MAGI2: variants seen among roughly 807,000 people sequenced by gnomAD.
MAGI2 encodes membrane associated guanylate kinase, WW and PDZ domain containing 2.
MAGI2 carries 35 observed loss-of-function variants against 133.3 expected under a neutral mutation model. That is an observed-to-expected ratio of 0.26 (90% CI 0.20 to 0.35). The LOEUF (loss-of-function observed/expected upper bound fraction) is 0.35. Ranked by LOEUF, MAGI2 falls within the 10% of genes least tolerant of loss-of-function variation. MAGI2 has a pLI of 1.00. For missense variants in MAGI2, 1,636 were observed against 1,863.4 expected, an observed-to-expected ratio of 0.88 and a Z score of 2.25; for synonymous variants, 729 against 710.6, an observed-to-expected ratio of 1.03 and a Z score of -0.41.
rs560491792 is a variant in MAGI2 at position 79,356,290 on chromosome 7, A to G, written c.301+96730T>C. ...TTTTCTGTTGAGTTCTTATTCTGAA[A>G]TTGCTAATAAATAACATGCTATGTT... On this transcript the variant is annotated intron_variant, in intron 1 of 21. Coordinates refer to ENST00000354212, the MANE Select transcript of MAGI2 (RefSeq NM_012301.4). Among the ~76,000 whole-genome samples the G allele has an allele frequency of 6.6e-5, 10 of 152,160 alleles. No individual in the cohort carries two copies. The East Asian group carries it at 1.7e-3, about 27-fold the overall frequency.
At position 78,019,599 on chromosome 7, in the gene MAGI2, GCGCCGCGTC is replaced by G. The variant is rs1264989174; in HGVS notation, c.4075_4083del (p.Asp1359_Ala1361del). The G allele has an allele frequency of 5.9e-5, 58 of 980,926 alleles. No individual in the cohort carries two copies. Among genetic ancestry groups the G allele is most frequent in the Non-Finnish European group, 6.8e-5 (56 of 828,760 alleles). The allele number at this position is 980,926 out of a possible 1,614,324, so 60.8% of individuals were successfully genotyped here. A position where few individuals can be genotyped will look rare whatever the true frequency, so the allele number is the denominator to read the frequency against. On this transcript the variant is annotated inframe_deletion, in exon 22 of 22. Transcript: ENST00000354212. The stretch of plus-strand genomic sequence containing the variant: ...CGGGGCGCCTCCTTCCCGCCCGCCC[GCGCCGCGTC>G]CGCCGCGTCTGCCGCCGCGAGCCCG...
At chr7:78,896,859 G>C (rs1002717357) in intron 2 of MAGI2, among the ~76,000 whole-genome samples, 1 of 152,122 alleles carries the variant, frequency 6.6e-6, no homozygotes, top group Non-Finnish European at 1.5e-5. Context: ...TATTTTCAAC[G>C]ATATTCATTG....
intron 2 of MAGI2, among the ~76,000 whole-genome samples, chr7:78,705,335 T>C (rs2151161558): frequency 6.6e-6 from 1 of 152,232 alleles, no homozygotes; most frequent in Admixed American, 6.5e-5. Flanking sequence ...TTGTTTCCTC[T>C]TTGCCTTGTG....
intron 2 of MAGI2, among the ~76,000 whole-genome samples, chr7:78,956,983 G>T (rs1166735807): frequency 6.6e-6 from 1 of 152,086 alleles, no homozygotes. Context: ...AGACTTAGGG[G>T]TCAGGCGCGG....
At chr7:79,088,212 G>A (rs757028182) in intron 1 of MAGI2, among the ~76,000 whole-genome samples, 24 of 151,990 alleles carry the variant, frequency 1.6e-4, no homozygotes, top group South Asian at 8.3e-4. Flanking sequence ...ACAACCCCTT[G>A]AAGAGGACCT....
chr7:78,054,179 G>A (rs943635433), intron 21 of MAGI2, among the ~76,000 whole-genome samples: 1 of 152,136 alleles, frequency 6.6e-6, no homozygotes, highest in South Asian at 2.1e-4. Flanking sequence ...AGGTTGGAGT[G>A]CAGTGGTGTG....
chr7:78,234,795 T>G (rs1350601820), intron 10 of MAGI2, among the ~76,000 whole-genome samples: 1 of 152,134 alleles, frequency 6.6e-6, no homozygotes, highest in Non-Finnish European at 1.5e-5. Flanking sequence ...AGATTTTCAG[T>G]TCACCATCTG....
intron 21 of MAGI2, among the ~76,000 whole-genome samples, chr7:78,041,042 C>G (rs1218661571): frequency 6.6e-6 from 1 of 152,150 alleles, no homozygotes; most frequent in Non-Finnish European, 1.5e-5. Context: ...CTAACTCAGG[C>G]TCCTTTAGTA....
At chr7:79,016,478 C>T (rs1203199366) in intron 1 of MAGI2, among the ~76,000 whole-genome samples, 4 of 152,078 alleles carry the variant, frequency 2.6e-5, no homozygotes, top group African/African-American at 9.7e-5. Flanking sequence ...AGTAGGGTGC[C>T]CCAATAGAGT....
At chr7:78,429,053 G>A (rs1364387710) in intron 6 of MAGI2, among the ~76,000 whole-genome samples, 2 of 152,104 alleles carry the variant, frequency 1.3e-5, no homozygotes, top group Non-Finnish European at 2.9e-5. Flanking sequence ...ATTATCATAA[G>A]GTATCTAGAG....
At chr7:78,698,383 C>G (rs958436497) in intron 2 of MAGI2, among the ~76,000 whole-genome samples, 1 of 152,144 alleles carries the variant, frequency 6.6e-6, no homozygotes, top group African/African-American at 2.4e-5. Flanking sequence ...GTCCACAACA[C>G]AGTTTATTCC....
chr7:78,455,183 T>C (rs886569837), intron 6 of MAGI2, among the ~76,000 whole-genome samples: 5 of 125,616 alleles, frequency 4.0e-5, no homozygotes, highest in Non-Finnish European at 7.8e-5. Flanking sequence ...GGGGCAGGTA[T>C]ATGGAACTCT....
intron 1 of MAGI2, among the ~76,000 whole-genome samples, chr7:79,192,702 CTTA>C (rs895693997): frequency 7.2e-5 from 11 of 151,782 alleles, no homozygotes; most frequent in South Asian, 4.2e-4. Flanking sequence ...GGAAGAGTGA[CTTA>C]TTATAAAATA....
At chr7:79,201,613 C>T (rs1828623163) in intron 1 of MAGI2, among the ~76,000 whole-genome samples, 1 of 151,812 alleles carries the variant, frequency 6.6e-6, no homozygotes, top group Admixed American at 6.6e-5. Context: ...CCCTGAGGAT[C>T]AACAGTGCAC....
At chr7:78,525,968 T>G (rs549293134) in intron 3 of MAGI2, among the ~76,000 whole-genome samples, 2 of 152,304 alleles carry the variant, frequency 1.3e-5, no homozygotes, top group African/African-American at 4.8e-5. Flanking sequence ...CGTGACTAGA[T>G]CAGAGTAGAT....
intron 1 of MAGI2, among the ~76,000 whole-genome samples, chr7:79,170,365 A>T (rs1825410085): frequency 2.6e-5 from 4 of 151,588 alleles, no homozygotes; most frequent in Admixed American, 2.6e-4. Context: ...TTGTAGAGAC[A>T]GGGTCTCACC....
intron 9 of MAGI2, among the ~76,000 whole-genome samples, chr7:78,326,464 G>C (rs73134505): frequency 0.048 from 7,330 of 152,182 alleles, 296 homozygotes; most frequent in African/African-American, 0.094. Context: ...TTACCAGACT[G>C]TACATTCCTT....
intron 2 of MAGI2, among the ~76,000 whole-genome samples, chr7:78,670,780 T>C (rs1814283524): frequency 6.6e-6 from 1 of 152,080 alleles, no homozygotes; most frequent in Non-Finnish European, 1.5e-5. Flanking sequence ...AACACAAGTT[T>C]GAAAAAGAAA....
intron 2 of MAGI2, among the ~76,000 whole-genome samples, chr7:78,723,758 CT>C (rs1820493518): frequency 6.6e-6 from 1 of 152,050 alleles, no homozygotes; most frequent in African/African-American, 2.4e-5. Context: ...AGTACTGACT[CT>C]ATTAAATACA....
Sources: gnomAD v4.1 joint callset for allele counts (sites outside exome capture counted in the v4.1 genomes callset) on GRCh38, gnomAD v4.1.1 for gene constraint, MANE v1.5 for transcripts, NCBI Gene and HGNC (gene_info 2026-07-23, HGNC 2026-07-21) for gene names.